The following CSMD1 variants were observed in gnomAD, a reference collection of about 807,000 sequenced individuals.
CSMD1 encodes the protein CUB and sushi domain-containing protein 1.
CSMD1 carries 213 observed loss-of-function variants against 417.5 expected under a neutral mutation model. That is an observed-to-expected ratio of 0.51 (90% CI 0.46 to 0.57). The LOEUF is 0.57. Among genes scored for constraint, CSMD1 ranks in the 20% least tolerant of loss-of-function variants. The pLI is 0.00. For missense variants in CSMD1, 6,923 were observed against 4,529.7 expected (o/e 1.53, Z -15.17); for synonymous variants, 2,862 against 1,736.8 (o/e 1.65, Z -16.11).
chr8:4,794,234 TGTCA>T (rs72310944), intron 1 of CSMD1, among the ~76,000 whole-genome samples: 48,980 of 151,430 alleles, frequency 0.32, 8,552 homozygotes, highest in Admixed American at 0.43. Flanking sequence ...TCACACTTTT[TGTCA>T]GTAATATTTT....
chr8:3,548,816 G>C (rs148728486), intron 10 of CSMD1, among the ~76,000 whole-genome samples: 24 of 152,104 alleles, frequency 1.6e-4, no homozygotes, highest in African/African-American at 5.5e-4. Flanking sequence ...AGCCCTTTCA[G>C]AGCAAAGCCA....
intron 1 of CSMD1, among the ~76,000 whole-genome samples, chr8:4,715,201 A>G (rs1482503794): frequency 6.6e-6 from 1 of 152,244 alleles, no homozygotes; most frequent in Non-Finnish European, 1.5e-5. Context: ...AAACGAAGAA[A>G]TATGAAGAAT....
chr8:3,043,480 C>T (rs1032912835), intron 50 of CSMD1, among the ~76,000 whole-genome samples: 3 of 151,810 alleles, frequency 2.0e-5, no homozygotes, highest in African/African-American at 7.3e-5. Context: ...TAGTATTGCT[C>T]TGGTTTGCTT....
At chr8:3,989,379 G>A (rs530798049) in intron 5 of CSMD1, among the ~76,000 whole-genome samples, 25 of 152,122 alleles carry the variant, frequency 1.6e-4, no homozygotes, top group Non-Finnish European at 2.6e-4. Context: ...TGATAGAAAG[G>A]TAATGAAAAA....
At chr8:4,986,224 C>T (rs1338002343) in intron 1 of CSMD1, among the ~76,000 whole-genome samples, 2 of 152,062 alleles carry the variant, frequency 1.3e-5, no homozygotes. Context: ...TTACTCAGAG[C>T]GCCGCCAGGA....
chr8:4,451,453 C>G (rs1003697993), intron 2 of CSMD1, among the ~76,000 whole-genome samples: 2 of 152,178 alleles, frequency 1.3e-5, no homozygotes, highest in African/African-American at 2.4e-5. Context: ...GCTTATCACT[C>G]TCATCAAGTC....
intron 1 of CSMD1, among the ~76,000 whole-genome samples, chr8:4,714,365 T>A (rs1002256904): frequency 1.3e-5 from 2 of 152,038 alleles, no homozygotes; most frequent in African/African-American, 4.8e-5. Flanking sequence ...AGAATTTAAA[T>A]TAATATGTGT....
intron 5 of CSMD1, among the ~76,000 whole-genome samples, chr8:3,809,842 C>G (rs1358488269): frequency 6.6e-6 from 1 of 152,116 alleles, no homozygotes; most frequent in Non-Finnish European, 1.5e-5. Context: ...GAATGCAGAC[C>G]TCTAGAAAAA....
At chr8:3,993,687 A>C (rs113332209) in intron 5 of CSMD1, among the ~76,000 whole-genome samples, 2 of 152,334 alleles carry the variant, frequency 1.3e-5, no homozygotes, top group African/African-American at 4.8e-5. Context: ...AAAAATCATA[A>C]AGTAACAGAT....
chr8:4,229,151 A>G (rs991949632), intron 3 of CSMD1, among the ~76,000 whole-genome samples: 1 of 152,098 alleles, frequency 6.6e-6, no homozygotes, highest in Non-Finnish European at 1.5e-5. Flanking sequence ...CCCTTTTTCT[A>G]TTTGGGCAGG....
At chr8:3,124,642 A>G (rs1817393386) in intron 41 of CSMD1, among the ~76,000 whole-genome samples, 1 of 152,066 alleles carries the variant, frequency 6.6e-6, no homozygotes, top group Non-Finnish European at 1.5e-5. Context: ...ACACTCTCCT[A>G]AAGTGTGTGC....
chr8:3,086,347 C>T (rs1814530780), intron 49 of CSMD1, among the ~76,000 whole-genome samples: 1 of 152,108 alleles, frequency 6.6e-6, no homozygotes, highest in Admixed American at 6.5e-5. Context: ...TGATCAACTT[C>T]TTACAGTCAA....
chr8:4,764,872 C>CAAAAAAAA lies in CSMD1; in HGVS notation c.86-127322_86-127315dup, dbSNP rs1194894751. On this transcript the variant is annotated intron_variant, in intron 1 of 69. Transcript: ENST00000635120. ...TGGGCGACAGAGCGAGACTCCATCT[C>CAAAAAAAA]AAAAAAAAAAAAAAAAAAAAAACAA... 2.4e-3 allele frequency among the ~76,000 whole-genome samples: 122 copies of CAAAAAAAA among 50,918 alleles called. 1 individual carries two copies. Among genetic ancestry groups the CAAAAAAAA allele is most frequent in the Non-Finnish European group, 3.4e-3 (96 of 28,348 alleles). The allele number at this position is 50,918 out of a possible 152,430, so 33.4% of individuals were successfully genotyped here.
At chr8:4,449,857 C>T (rs980783254) in intron 2 of CSMD1, among the ~76,000 whole-genome samples, 3 of 152,168 alleles carry the variant, frequency 2.0e-5, no homozygotes, top group African/African-American at 7.2e-5. Flanking sequence ...ACTTCATCCT[C>T]ACCCAGTTTC....
chr8:4,065,096 T>G (rs1035768650), intron 3 of CSMD1, among the ~76,000 whole-genome samples: 1 of 152,248 alleles, frequency 6.6e-6, no homozygotes, highest in African/African-American at 2.4e-5. Context: ...ATTGTGAAGA[T>G]TTAAAAATGT....
intron 23 of CSMD1, among the ~76,000 whole-genome samples, chr8:3,335,972 C>T (rs1807236120): frequency 6.6e-6 from 1 of 152,078 alleles, no homozygotes; most frequent in African/African-American, 2.4e-5. Context: ...TTATTTTGGG[C>T]TAATTTACAT....
chr8:4,025,782 G>C (rs959025359), intron 4 of CSMD1, among the ~76,000 whole-genome samples: 1 of 152,132 alleles, frequency 6.6e-6, no homozygotes, highest in Non-Finnish European at 1.5e-5. Context: ...AAGGGACACA[G>C]TTTTAAGCAA....
At chr8:4,152,198 G>T (rs982506889) in intron 3 of CSMD1, among the ~76,000 whole-genome samples, 57 of 152,046 alleles carry the variant, frequency 3.7e-4, no homozygotes, top group African/African-American at 1.3e-3. Flanking sequence ...TACATCTTTG[G>T]AGAAGAAGGA....
intron 2 of CSMD1, among the ~76,000 whole-genome samples, chr8:4,450,537 A>C (rs1387362199): frequency 2.6e-5 from 4 of 152,078 alleles, no homozygotes. Context: ...TGGGAGGCTG[A>C]GGCACGGGAT....
Sources: allele counts gnomAD v4.1 joint callset (sites outside exome capture counted in the v4.1 genomes callset), GRCh38; gene constraint gnomAD v4.1.1; transcripts MANE v1.5; gene names NCBI Gene and HGNC (gene_info 2026-07-23, HGNC 2026-07-21).